The following PHF11 variants were observed in gnomAD, a reference collection of about 807,000 sequenced individuals.
The protein encoded by PHF11 is BRCA1 C-terminus-associated protein.
In PHF11, 38 loss-of-function variants were observed where a neutral mutation model predicts 40.5. The observed-to-expected ratio is 0.94, with a 90% CI of 0.72 to 1.23. The LOEUF is 1.23. Among genes scored for constraint, PHF11 ranks in the 50% most tolerant of loss-of-function variants. The pLI is 0.00. For missense variants in PHF11, 369 were observed against 392.4 expected, an observed-to-expected ratio of 0.94 and a Z score of 0.50; for synonymous variants, 127 against 138.2, an observed-to-expected ratio of 0.92 and a Z score of 0.57.
intron 5 of PHF11, chr13:49,521,838 CAATT>C (rs1358313641): frequency 9.1e-6 from 3 of 329,920 alleles, no homozygotes; most frequent in Non-Finnish European, 1.7e-5. Context: ...TTTTTCTACT[CAATT>C]ATTTACCTGT....
chr13:49,519,783 G>A (rs1315040651), intron 4 of PHF11, among the ~76,000 whole-genome samples: 1 of 152,154 alleles, frequency 6.6e-6, no homozygotes, highest in Non-Finnish European at 1.5e-5. Flanking sequence ...AAAAATTTAA[G>A]TACTTGGGAA....
intron 8 of PHF11, chr13:49,526,140 G>C (rs1353576860): frequency 4.6e-6 from 2 of 430,568 alleles, no homozygotes; most frequent in Non-Finnish European, 8.4e-6. Flanking sequence ...CTGCACTCCA[G>C]TCTGGGCAAC....
At chr13:49,515,164 G>A (rs1959135432) in intron 3 of PHF11, among the ~76,000 whole-genome samples, 2 of 152,088 alleles carry the variant, frequency 1.3e-5, no homozygotes, top group Admixed American at 1.3e-4. Context: ...GTTGGAAGTG[G>A]AGGATAAAGG....
chr13:49,496,950 C>T, intron 1 of PHF11: 1 of 640,722 alleles, frequency 1.6e-6, no homozygotes, highest in Non-Finnish European at 2.2e-6. Context: ...TCTCCTGCCT[C>T]AGCCTCCCGA....
chr13:49,504,699 C>T (rs1267173687), intron 1 of PHF11, among the ~76,000 whole-genome samples: 1 of 151,824 alleles, frequency 6.6e-6, no homozygotes, highest in Non-Finnish European at 1.5e-5. Context: ...CGGCCACCAC[C>T]CCGTCTGGGA....
chr13:49,516,994 G>GT (rs144921989), intron 3 of PHF11, among the ~76,000 whole-genome samples: 2 of 151,950 alleles, frequency 1.3e-5, no homozygotes, highest in Non-Finnish European at 2.9e-5. Flanking sequence ...ATCTTTAAGA[G>GT]TTTTTTGTTT....
intron 3 of PHF11, among the ~76,000 whole-genome samples, chr13:49,514,057 C>T (rs576081154): frequency 6.6e-6 from 1 of 152,252 alleles, no homozygotes; most frequent in African/African-American, 2.4e-5. Flanking sequence ...GGGGTCAGCT[C>T]CTCATGGGTC....
At chr13:49,521,000 A>G in intron 5 of PHF11, 60 bp downstream of exon 5, 1 of 1,493,142 alleles carries the variant, frequency 6.7e-7, no homozygotes, top group Non-Finnish European at 9.1e-7. Flanking sequence ...TATGTAACAT[A>G]AGGAATAGTC....
intron 1 of PHF11, among the ~76,000 whole-genome samples, chr13:49,503,769 G>A (rs193296721): frequency 6.6e-6 from 1 of 152,290 alleles, no homozygotes; most frequent in East Asian, 1.9e-4. Flanking sequence ...GCCTCATTCT[G>A]TTGCCCAGGC....
Position 49,496,584 on chromosome 13 carries a change from G to A in PHF11, c.94+489G>A, listed in dbSNP as rs528906616. The A allele has an allele frequency of 1.2e-3, 407 of 346,322 alleles. 1 individual carries two copies. The highest frequency in any genetic ancestry group is 3.0e-3 in the Admixed American group (46 of 15,564). The allele number at this position is 346,322 out of a possible 1,614,324, so 21.5% of individuals were successfully genotyped here. Reference sequence around the variant, plus strand: ...TCTCCAGTCGTTCCAGTCCTCCCCGGCCCTCTACTTGAGTGGGTGGGTCTT... The same window carrying A: ...TCTCCAGTCGTTCCAGTCCTCCCCGACCCTCTACTTGAGTGGGTGGGTCTT... On this transcript the variant is annotated intron_variant, in intron 1 of 9. Transcript: ENST00000378319.
intron 8 of PHF11, among the ~76,000 whole-genome samples, chr13:49,525,603 A>G (rs112597243): frequency 0.019 from 2,893 of 152,262 alleles, 104 homozygotes; most frequent in African/African-American, 0.064. Flanking sequence ...TATTATAAAT[A>G]TAGTTATTTT....
At position 49,496,056 on chromosome 13, in the gene PHF11, G is replaced by A; in HGVS notation, c.55G>A (p.Glu19Lys). 1 of 1,417,812 alleles carries A rather than the reference G, an allele frequency of 7.1e-7. No individual in the cohort carries two copies. The highest frequency in any genetic ancestry group is 1.3e-5 in the South Asian group (1 of 76,306). The allele number at this position is 1,417,812 out of a possible 1,614,324, so 87.8% of individuals were successfully genotyped here. The change falls in exon 1 of 10, where the codon GAG (glutamate) becomes AAG (lysine). Residue 19 changes from glutamate (E) to lysine (K), a missense_variant. Coordinates refer to ENST00000378319, the MANE Select transcript of PHF11 (RefSeq NM_001040443.3). ...PERVLGASSP[E>K]ARPAQEALLL... ...GAGGGTGCTCGGCGCCAGCAGCCCG[G>A]AGGCCCGGCCCGCGCAGGAGGCGCT...
chr13:49,526,613 G>A lies in PHF11; in HGVS notation c.841+155G>A, dbSNP rs1472518794. 5.0e-5 allele frequency among the ~76,000 whole-genome samples: 5 copies of A among 99,496 alleles called. No individual in the cohort carries two copies. In the East Asian group the frequency reaches 8.2e-4, roughly 16 times the overall value. 65.3% of individuals were successfully genotyped at this position (99,496 alleles called of 152,430 possible). On this transcript the variant is annotated intron_variant, in intron 9 of 9. Transcript: ENST00000378319. ...CCAATTACAAAAACAGTATGACCCC[G>A]CCCACCTGCCCACACACACAGGAAA...
rs749455312 is a variant in PHF11 at position 49,524,132 on chromosome 13, C to CT, written c.687dup (p.Leu230SerfsTer2). The CT allele has an allele frequency of 3.1e-6, 5 of 1,603,856 alleles. No individual in the cohort carries two copies. The highest frequency in any genetic ancestry group is 4.3e-6 in the Non-Finnish European group (5 of 1,172,030). On this transcript the variant is annotated frameshift_variant, in exon 8 of 10. Transcript: ENST00000378319. LOFTEE classifies it high-confidence loss of function. ...TCTTAAGAAATGCAAGGAAGCAGGA[C>CT]TTCTTAATTACTTACTTGAAGAAAT...
intron 1 of PHF11, among the ~76,000 whole-genome samples, chr13:49,502,327 ATAAAT>A (rs553014664): frequency 1.1e-3 from 173 of 152,276 alleles, no homozygotes; most frequent in African/African-American, 4.0e-3. Context: ...ATTAATTAAA[ATAAAT>A]TAAAATTCTA....
chr13:49,525,859 T>G, intron 8 of PHF11: 1 of 448,946 alleles, frequency 2.2e-6, no homozygotes. Flanking sequence ...ACAGAGATTC[T>G]GATTCAGTAC....
At chr13:49,506,857 G>A in intron 2 of PHF11, 101 bp downstream of exon 2, 1 of 693,448 alleles carries the variant, frequency 1.4e-6, no homozygotes, top group Non-Finnish European at 2.2e-6. Flanking sequence ...ATAACAAGTT[G>A]GCCATGGTTT....
intron 1 of PHF11, chr13:49,497,029 C>G: frequency 8.2e-7 from 1 of 1,219,888 alleles, no homozygotes. Flanking sequence ...GAGGGTTTCT[C>G]CATGTTTCAT....
chr13:49,521,084 T>A, intron 5 of PHF11, 144 bp downstream of exon 5: 1 of 1,390,758 alleles, frequency 7.2e-7, no homozygotes, highest in Non-Finnish European at 9.3e-7. Flanking sequence ...AATTGACAAC[T>A]TCTTTGTGTA....
Sources: gnomAD v4.1 joint callset for allele counts (sites outside exome capture counted in the v4.1 genomes callset) on GRCh38, gnomAD v4.1.1 for gene constraint, MANE v1.5 for transcripts, NCBI Gene and HGNC (gene_info 2026-07-23, HGNC 2026-07-21) for gene names.